The following NTM variants were observed in gnomAD, a reference collection of about 807,000 sequenced individuals.
NTM encodes the protein IgLON family member 2.
A neutral mutation model predicts 42.1 loss-of-function variants in NTM; 13 were observed. The ratio of observed to expected loss-of-function variants is 0.31; its 90% CI spans 0.20 to 0.49. The LOEUF is 0.49. Ranked by LOEUF, NTM falls within the 20% of genes least tolerant of loss-of-function variation. The pLI, the probability that NTM is intolerant of heterozygous loss-of-function variation, is 0.99. For missense variants in NTM, 373 were observed against 452.8 expected (o/e 0.82, Z 1.60); for synonymous variants, 187 against 179.2 (o/e 1.04, Z -0.35).
rs754718214 is a variant in NTM at position 131,733,968 on chromosome 11, GTGT to G, written c.83-177591_83-177589del. ...TATTATGATAATGTTGTAAAGAGTA[GTGT>G]TGTTCATAATTTTTTGTCTACGTTA... On this transcript the variant is annotated intron_variant, in intron 1 of 8. Coordinates refer to ENST00000683400, the MANE Select transcript of NTM (RefSeq NM_001352005.2). Among the ~76,000 whole-genome samples, 217 of 152,316 alleles carry G rather than the reference GTGT, an allele frequency of 1.4e-3. 1 individual carries two copies. Among genetic ancestry groups the G allele is most frequent in the Non-Finnish European group, 2.3e-3 (155 of 68,024 alleles).
chr11:132,321,573 G>A (rs2095569347), intron 7 of NTM, among the ~76,000 whole-genome samples: 2 of 152,184 alleles, frequency 1.3e-5, no homozygotes, highest in Non-Finnish European at 2.9e-5. Context: ...GAAAGTGATG[G>A]GAAGAATGGA....
At chr11:131,706,025 C>G (rs2076557661) in intron 1 of NTM, among the ~76,000 whole-genome samples, 1 of 151,966 alleles carries the variant, frequency 6.6e-6, no homozygotes, top group Non-Finnish European at 1.5e-5. Context: ...AATCTCGAAT[C>G]AAAAGCCATA....
intron 1 of NTM, among the ~76,000 whole-genome samples, chr11:131,639,036 T>G (rs1017217006): frequency 3.3e-5 from 5 of 152,360 alleles, no homozygotes; most frequent in Admixed American, 2.0e-4. Context: ...ATGAGAATAC[T>G]GAGACACAGA....
chr11:131,738,226 G>A (rs1164679137), intron 1 of NTM, among the ~76,000 whole-genome samples: 1 of 152,180 alleles, frequency 6.6e-6, no homozygotes, highest in East Asian at 1.9e-4. Context: ...GAGAACTGCA[G>A]GACTCAGGGT....
At chr11:132,165,908 T>C (rs941935408) in intron 3 of NTM, among the ~76,000 whole-genome samples, 3 of 152,220 alleles carry the variant, frequency 2.0e-5, no homozygotes, top group Non-Finnish European at 4.4e-5. Flanking sequence ...TTGATACTAC[T>C]GTACAGTGCC....
chr11:131,438,367 G>A (rs930663308), intron 1 of NTM, among the ~76,000 whole-genome samples: 1 of 152,198 alleles, frequency 6.6e-6, no homozygotes, highest in Admixed American at 6.5e-5. Flanking sequence ...ATAATGTCCT[G>A]AAGAGTGTTT....
intron 4 of NTM, among the ~76,000 whole-genome samples, chr11:132,227,034 G>A (rs1464883671): frequency 6.6e-6 from 1 of 152,180 alleles, no homozygotes; most frequent in Admixed American, 6.6e-5. Flanking sequence ...CTAGAAAAAT[G>A]CATATGGGAA....
chr11:132,262,900 A>G (rs1303366753), intron 4 of NTM, among the ~76,000 whole-genome samples: 1 of 152,224 alleles, frequency 6.6e-6, no homozygotes, highest in East Asian at 1.9e-4. Flanking sequence ...ATTTCTTTGC[A>G]GCTGTGAACA....
chr11:132,225,273 C>G (rs988026609), intron 4 of NTM, among the ~76,000 whole-genome samples: 1 of 151,604 alleles, frequency 6.6e-6, no homozygotes, highest in Non-Finnish European at 1.5e-5. Context: ...AAATATGCAA[C>G]CCAATGCCAG....
At chr11:132,086,050 C>T (rs191443133) in intron 2 of NTM, among the ~76,000 whole-genome samples, 139 of 152,046 alleles carry the variant, frequency 9.1e-4, no homozygotes, top group African/African-American at 3.2e-3. Flanking sequence ...CAAGGCAGGG[C>T]ACGGTGGCTC....
At chr11:131,462,948 C>T (rs1199298859) in intron 1 of NTM, among the ~76,000 whole-genome samples, 1 of 146,666 alleles carries the variant, frequency 6.8e-6, no homozygotes, top group Non-Finnish European at 1.5e-5. Flanking sequence ...CTTATCTACT[C>T]ATGAAAAAAA....
intron 1 of NTM, among the ~76,000 whole-genome samples, chr11:131,392,066 C>T (rs1453214241): frequency 6.6e-6 from 1 of 152,234 alleles, no homozygotes; most frequent in African/African-American, 2.4e-5. Context: ...AAATGTTTTG[C>T]CACTGCTCTA....
chr11:132,079,726 A>G (rs1417523967), intron 2 of NTM, among the ~76,000 whole-genome samples: 2 of 152,256 alleles, frequency 1.3e-5, no homozygotes, highest in Non-Finnish European at 1.5e-5. Context: ...CTAAAAGTGT[A>G]CACAATGTTC....
intron 1 of NTM, among the ~76,000 whole-genome samples, chr11:131,788,547 C>T (rs535942273): frequency 5.9e-5 from 9 of 152,088 alleles, no homozygotes; most frequent in African/African-American, 1.4e-4. Flanking sequence ...TATAGTCTTC[C>T]GTGCTGACAC....
intron 1 of NTM, chr11:131,910,770 C>A: frequency 1.1e-6 from 1 of 943,422 alleles, no homozygotes; most frequent in Non-Finnish European, 1.3e-6. Context: ...CCTCTCCCTC[C>A]TCGGCCACCG....
chr11:131,406,940 C>T (rs1256115093), intron 1 of NTM, among the ~76,000 whole-genome samples: 2 of 152,022 alleles, frequency 1.3e-5, no homozygotes, highest in Admixed American at 1.3e-4. Flanking sequence ...GCACTTTCCT[C>T]ATACAAACAT....
At chr11:131,769,362 G>A (rs930198817) in intron 1 of NTM, among the ~76,000 whole-genome samples, 3 of 152,108 alleles carry the variant, frequency 2.0e-5, no homozygotes, top group African/African-American at 4.8e-5. Flanking sequence ...AGCACTCAAA[G>A]CCTCTTCAAG....
Position 132,146,239 on chromosome 11 carries a change from C to T in NTM, c.168-43C>T, listed in dbSNP as rs750966396. The stretch of plus-strand genomic sequence containing the variant: ...AGGACCTCCCTCTGATGGCTGCTGT[C>T]GTCTCTCAGTCCCTTGACGTACCTG... On this transcript the variant is annotated intron_variant, in intron 2 of 8. Coordinates refer to ENST00000683400, the MANE Select transcript of NTM (RefSeq NM_001352005.2). This position sits in a 1 kb window ranked among gnomAD's most constrained non-coding sequence, Gnocchi z 4.5. 3.8e-5 allele frequency: 61 copies of T among 1,605,504 alleles called. No homozygotes were observed. The highest frequency in any genetic ancestry group is 1.2e-4 in the Admixed American group (7 of 59,736).
intron 4 of NTM, among the ~76,000 whole-genome samples, chr11:132,278,342 G>T (rs1320291967): frequency 6.6e-6 from 1 of 152,166 alleles, no homozygotes; most frequent in African/African-American, 2.4e-5. Context: ...GGCCTCAGTT[G>T]GAAAGACCTG....
Sources: gnomAD v4.1 joint callset for allele counts (sites outside exome capture counted in the v4.1 genomes callset) on GRCh38, gnomAD v4.1.1 for gene constraint, Gnocchi (gnomAD v3.1) non-coding constraint, MANE v1.5 for transcripts, NCBI Gene and HGNC (gene_info 2026-07-23, HGNC 2026-07-21) for gene names.